The following TOGARAM1 variants were observed in gnomAD, a reference collection of about 807,000 sequenced individuals.
TOGARAM1 encodes the protein TOG array regulator of axonemal microtubules 1.
Under a neutral mutation model 166.6 loss-of-function variants are expected in TOGARAM1, and 100 were observed. The ratio of observed to expected loss-of-function variants is 0.60; its 90% CI spans 0.51 to 0.71. The LOEUF (loss-of-function observed/expected upper bound fraction) is 0.71, where lower values mean the gene tolerates loss of function less well. Ranked by LOEUF, TOGARAM1 falls within the 30% of genes least tolerant of loss-of-function variation. The pLI is 0.00. For synonymous variants in TOGARAM1, 758 were observed against 763.8 expected (o/e 0.99, Z 0.13); for missense variants, 2,029 against 2,102.7 (o/e 0.96, Z 0.69).
chr14:45,017,197 T>G (rs761631999), intron 7 of TOGARAM1, among the ~76,000 whole-genome samples: 3 of 152,202 alleles, frequency 2.0e-5, no homozygotes, highest in Admixed American at 6.5e-5. Context: ...TTAGTGAGAA[T>G]TCTCAGTTTT....
intron 1 of TOGARAM1, among the ~76,000 whole-genome samples, chr14:44,973,037 A>ATC (rs58271812): frequency 0.16 from 23,908 of 151,966 alleles, 3,471 homozygotes; most frequent in African/African-American, 0.39. Flanking sequence ...CACTCTGACA[A>ATC]TCTGTCTTTT....
intron 12 of TOGARAM1, among the ~76,000 whole-genome samples, chr14:45,044,149 A>T (rs567866614): frequency 6.6e-6 from 1 of 152,176 alleles, no homozygotes; most frequent in East Asian, 1.9e-4. Flanking sequence ...AGCTGGGATT[A>T]CAGGCACACA....
chr14:44,973,604 ACAT>A (rs1411948324), intron 1 of TOGARAM1, among the ~76,000 whole-genome samples: 1 of 151,290 alleles, frequency 6.6e-6, no homozygotes, highest in Non-Finnish European at 1.5e-5. Context: ...CTCTATATAT[ACAT>A]ATATATATAT....
At chr14:45,044,145 G>A (rs1881862372) in intron 12 of TOGARAM1, among the ~76,000 whole-genome samples, 1 of 151,962 alleles carries the variant, frequency 6.6e-6, no homozygotes, top group Non-Finnish European at 1.5e-5. Flanking sequence ...AAGTAGCTGG[G>A]ATTACAGGCA....
At chr14:45,064,538 A>G (rs1177289928) in intron 16 of TOGARAM1, among the ~76,000 whole-genome samples, 2 of 152,018 alleles carry the variant, frequency 1.3e-5, no homozygotes, top group African/African-American at 4.8e-5. Context: ...TGACGTGATC[A>G]TGGCTCACTG....
chr14:45,037,720 C>G (rs920713313), intron 11 of TOGARAM1, among the ~76,000 whole-genome samples: 2 of 151,994 alleles, frequency 1.3e-5, no homozygotes, highest in African/African-American at 4.8e-5. Context: ...ATTAATAGAA[C>G]AAGTTGAAAG....
At chr14:44,965,552 A>G (rs900736744) in intron 1 of TOGARAM1, among the ~76,000 whole-genome samples, 14 of 152,196 alleles carry the variant, frequency 9.2e-5, no homozygotes, top group Admixed American at 6.5e-4. Context: ...TATTTTTAGG[A>G]AAATATTACA....
At chr14:45,008,608 A>T (rs538078038) in intron 5 of TOGARAM1, among the ~76,000 whole-genome samples, 6 of 152,294 alleles carry the variant, frequency 3.9e-5, no homozygotes. Context: ...TGATTCATTT[A>T]TTAAATAATT....
chr14:44,986,693 T>A (rs971526975), intron 1 of TOGARAM1, among the ~76,000 whole-genome samples: 6 of 151,884 alleles, frequency 4.0e-5, no homozygotes, highest in African/African-American at 1.4e-4. Flanking sequence ...ACCAAGTGAC[T>A]GAGGTATTTA....
At chr14:45,013,358 C>T (rs1879925094) in intron 7 of TOGARAM1, among the ~76,000 whole-genome samples, 1 of 152,050 alleles carries the variant, frequency 6.6e-6, no homozygotes, top group Non-Finnish European at 1.5e-5. Context: ...TTCTTGATCC[C>T]CAAAGATTAT....
Position 44,963,594 on chromosome 14 carries a change from T to G in TOGARAM1, c.1173T>G (p.Ser391Arg). The G allele has an allele frequency of 6.2e-7, 1 of 1,613,680 alleles. No individual in the cohort carries two copies. The highest frequency in any genetic ancestry group is 8.5e-7 in the Non-Finnish European group (1 of 1,179,842). Residue 391 changes from serine to arginine, a missense_variant, in exon 1 of 20, where the codon AGT (serine) becomes AGG (arginine). Ser to Arg is a moderately radical substitution (Grantham distance 110). This residue lies in a region of TOGARAM1 where 1,453 missense variants were observed against 1,432.2 expected (regional missense o/e 1.01). Coordinates refer to ENST00000361462, the MANE Select transcript of TOGARAM1 (RefSeq NM_001308120.2). ...KFNPSSTPHS[S>R]LVGFISLLYN... Reference sequence around the variant, plus strand: ...ACCCTAGTTCTACTCCTCATTCTAGTCTTGTTGGCTTCATTAGTTTGCTAT... The same window carrying G: ...ACCCTAGTTCTACTCCTCATTCTAGGCTTGTTGGCTTCATTAGTTTGCTAT...
chr14:44,980,999 A>G (rs1033905940), intron 1 of TOGARAM1, among the ~76,000 whole-genome samples: 1 of 152,190 alleles, frequency 6.6e-6, no homozygotes, highest in African/African-American at 2.4e-5. Context: ...GATGGATGCA[A>G]GAGATATTTC....
intron 11 of TOGARAM1, among the ~76,000 whole-genome samples, chr14:45,038,691 CCTT>C (rs1566654427): frequency 6.6e-6 from 1 of 152,226 alleles, no homozygotes; most frequent in African/African-American, 2.4e-5. Flanking sequence ...GCTCTTTTCT[CCTT>C]CTTTCTTCTC....
At chr14:45,017,406 AACACAC>A (rs113544622) in intron 7 of TOGARAM1, among the ~76,000 whole-genome samples, 8 of 145,236 alleles carry the variant, frequency 5.5e-5, no homozygotes, top group Middle Eastern at 7.2e-3. Context: ...ATGCACACAA[AACACAC>A]ACACACACAC....
At position 44,963,359 on chromosome 14, in the gene TOGARAM1, C is replaced by T; in HGVS notation, c.938C>T (p.Ser313Phe). Residue 313 changes from serine to phenylalanine, a missense_variant, in exon 1 of 20, where the codon TCC becomes TTC. Physicochemically the swap from Ser to Phe is radical, Grantham distance 155 (BLOSUM62 -2). This residue lies in a region of TOGARAM1 where 1,453 missense variants were observed against 1,432.2 expected (regional missense o/e 1.01). Coordinates refer to ENST00000361462, the MANE Select transcript of TOGARAM1 (RefSeq NM_001308120.2). ...LRRHYNRRLESQFGSQVPYYL... is the reference protein window; with the variant it reads ...LRRHYNRRLEFQFGSQVPYYL... ...AGACACTACAATCGCCGCCTGGAGT[C>T]CCAGTTTGGAAGTCAGGTTCCTTAT... 1.2e-6 allele frequency: 2 copies of T among 1,614,180 alleles called. No individual in the cohort carries two copies. The highest frequency in any genetic ancestry group is 1.7e-6 in the Non-Finnish European group (2 of 1,180,036).
At chr14:45,047,529 G>T (rs760503557) in intron 14 of TOGARAM1, among the ~76,000 whole-genome samples, 1 of 152,056 alleles carries the variant, frequency 6.6e-6, no homozygotes, top group Non-Finnish European at 1.5e-5. Context: ...TGAAGTTTAA[G>T]AACAGTCAGA....
At chr14:45,035,929 T>C (rs1273478601) in intron 11 of TOGARAM1, among the ~76,000 whole-genome samples, 1 of 132,570 alleles carries the variant, frequency 7.5e-6, no homozygotes, top group East Asian at 2.2e-4. Context: ...CTTTGCAATA[T>C]AGCAAGACCT....
intron 10 of TOGARAM1, among the ~76,000 whole-genome samples, chr14:45,032,021 A>G (rs28594810): frequency 0.16 from 24,022 of 152,010 alleles, 3,539 homozygotes; most frequent in African/African-American, 0.39. Context: ...TTAGCTGGGC[A>G]TTGTGGTGCG....
chr14:44,973,472 A>C (rs1035091813), intron 1 of TOGARAM1, among the ~76,000 whole-genome samples: 1 of 151,874 alleles, frequency 6.6e-6, no homozygotes, highest in Non-Finnish European at 1.5e-5. Context: ...TACATAATCA[A>C]ATACATTGTT....
Sources: allele counts gnomAD v4.1 joint callset (sites outside exome capture counted in the v4.1 genomes callset), GRCh38; gene constraint gnomAD v4.1.1; regional missense constraint gnomAD v4.1.1; transcripts MANE v1.5; gene names NCBI Gene and HGNC (gene_info 2026-07-23, HGNC 2026-07-21).